The following STAC variants were observed in gnomAD, a reference collection of about 807,000 sequenced individuals.
STAC encodes SH3 and cysteine rich domain.
In STAC, 43 loss-of-function variants were observed where a neutral mutation model predicts 48.8. The observed-to-expected ratio is 0.88, with a 90% CI of 0.69 to 1.14. The LOEUF (loss-of-function observed/expected upper bound fraction) is 1.14. Ranked by LOEUF, STAC falls within the 50% of genes most tolerant of loss-of-function variation. The pLI is 0.00. For synonymous variants in STAC, 193 were observed against 179.5 expected (o/e 1.07, Z -0.60); for missense variants, 497 against 504.0 (o/e 0.99, Z 0.13).
intron 10 of STAC, 143 bp from the exon 11 acceptor site, chr3:36,546,048 G>A: frequency 6.3e-6 from 4 of 635,988 alleles, no homozygotes; most frequent in Admixed American, 2.8e-5. Flanking sequence ...TTCTCACTGT[G>A]CTGGTTTCCC....
intron 2 of STAC, among the ~76,000 whole-genome samples, chr3:36,477,164 T>C (rs1393092872): frequency 6.6e-6 from 1 of 152,188 alleles, no homozygotes; most frequent in Non-Finnish European, 1.5e-5. Context: ...ATCAAATAAA[T>C]TATAGGACTA....
chr3:36,481,996 C>T (rs1410016270), intron 2 of STAC, among the ~76,000 whole-genome samples: 1 of 152,192 alleles, frequency 6.6e-6, no homozygotes. Context: ...CAAAGAAATA[C>T]TCTCTCCACT....
intron 6 of STAC, among the ~76,000 whole-genome samples, chr3:36,496,028 T>C (rs1698145545): frequency 6.6e-6 from 1 of 152,192 alleles, no homozygotes; most frequent in African/African-American, 2.4e-5. Context: ...ATCCCCCGTA[T>C]AGATAAGGAA....
At chr3:36,505,514 CAA>C (rs1337250108) in intron 7 of STAC, among the ~76,000 whole-genome samples, 2 of 152,030 alleles carry the variant, frequency 1.3e-5, no homozygotes, top group African/African-American at 4.8e-5. Flanking sequence ...ATATTTCTGA[CAA>C]AGAGTTCCAA....
intron 1 of STAC, among the ~76,000 whole-genome samples, chr3:36,383,840 A>C (rs1417685874): frequency 1.3e-5 from 2 of 152,184 alleles, no homozygotes; most frequent in Non-Finnish European, 2.9e-5. Flanking sequence ...ATTGAGGCCC[A>C]AAAAGGGGCA....
intron 1 of STAC, among the ~76,000 whole-genome samples, chr3:36,385,439 T>C (rs1426046436): frequency 1.3e-5 from 2 of 152,128 alleles, no homozygotes; most frequent in African/African-American, 4.8e-5. Context: ...ACTTCTAAGG[T>C]ATTTTATTCT....
chr3:36,506,830 A>G (rs1195113546), intron 8 of STAC, among the ~76,000 whole-genome samples: 1 of 152,200 alleles, frequency 6.6e-6, no homozygotes, highest in African/African-American at 2.4e-5. Context: ...TTGGGCTAAG[A>G]TGATGGGGTT....
rs1699000359 is a variant in STAC, at chr3:36,528,873, T to C, written c.998T>C (p.Phe333Ser). ...GGGAAAATTCAAGACAGAATTGGCT[T>C]CTTTCCAGCCAACTTTGTTCAGAGA... ...WKGKIQDRIG[F>S]FPANFVQRLQ... Residue 333 changes from phenylalanine to serine, a missense_variant, in exon 10 of 11, where the codon TTC (phenylalanine) becomes TCC (serine). Phe to Ser is a radical substitution (Grantham distance 155). Coordinates refer to ENST00000273183, the MANE Select transcript of STAC (RefSeq NM_003149.3). 15 of 1,613,664 alleles carry C rather than the reference T, an allele frequency of 9.3e-6. No homozygotes were observed. Among genetic ancestry groups the C allele is most frequent in the Non-Finnish European group, 1.3e-5 (15 of 1,179,770 alleles).
At chr3:36,522,387 C>G (rs182666568) in intron 8 of STAC, among the ~76,000 whole-genome samples, 251 of 152,246 alleles carry the variant, frequency 1.6e-3, no homozygotes, top group African/African-American at 5.7e-3. Context: ...ATCTAATGGG[C>G]GCTTATCTAA....
At chr3:36,545,345 T>C (rs1374855618) in intron 10 of STAC, among the ~76,000 whole-genome samples, 6 of 152,186 alleles carry the variant, frequency 3.9e-5, no homozygotes, top group Admixed American at 3.9e-4. Flanking sequence ...AAACCTCTCA[T>C]TGCTGGGCTC....
intron 8 of STAC, among the ~76,000 whole-genome samples, chr3:36,511,591 A>G (rs774275755): frequency 6.6e-6 from 1 of 152,238 alleles, no homozygotes; most frequent in Non-Finnish European, 1.5e-5. Context: ...AAAACTATTT[A>G]ATTGCCAGAG....
intron 2 of STAC, among the ~76,000 whole-genome samples, chr3:36,452,838 G>A (rs1000892430): frequency 1.3e-5 from 2 of 152,198 alleles, no homozygotes; most frequent in African/African-American, 4.8e-5. Flanking sequence ...CAGAAAGGAG[G>A]AGCCCCTGCC....
rs144762529 is a variant in STAC at position 36,417,338 on chromosome 3, CCTT to C, written c.112-26021_112-26019del. The stretch of plus-strand genomic sequence containing the variant: ...TTTCCTGTGTCCTTGGAGCCTTCAA[CCTT>C]CTTCCTGTCTATGTAGCACATCCAG... On this transcript the variant is annotated intron_variant, in intron 1 of 10. Coordinates refer to ENST00000273183, the MANE Select transcript of STAC (RefSeq NM_003149.3). 9.6e-4 allele frequency among the ~76,000 whole-genome samples: 146 copies of C among 152,274 alleles called. 3 individuals carry two copies. In the East Asian group the frequency reaches 0.027, roughly 28 times the overall value.
rs866550732 is a variant in STAC at position 36,395,034 on chromosome 3, T to G, written c.111+14280T>G. Among the ~76,000 whole-genome samples the G allele has an allele frequency of 2.8e-4, 42 of 151,596 alleles. 1 individual carries two copies. In the South Asian group the frequency reaches 4.6e-3, roughly 16 times the overall value. On this transcript the variant is annotated intron_variant, in intron 1 of 10. Coordinates refer to ENST00000273183, the MANE Select transcript of STAC (RefSeq NM_003149.3). ...GAATCAAAAGATATATAGATATATA[T>G]ATATATATATCAAAATATTTTATGA...
At chr3:36,530,618 G>A (rs540743191) in intron 10 of STAC, among the ~76,000 whole-genome samples, 8 of 125,518 alleles carry the variant, frequency 6.4e-5, no homozygotes, top group African/African-American at 1.8e-4. Context: ...TTTTTGAGAC[G>A]GAGTTTCACT....
At chr3:36,481,687 C>A (rs112592766) in intron 2 of STAC, among the ~76,000 whole-genome samples, 103 of 152,324 alleles carry the variant, frequency 6.8e-4, no homozygotes, top group Admixed American at 2.2e-3. Context: ...CCATGAGAAT[C>A]ACATACTTGT....
At chr3:36,398,361 A>AAGAAAGAAAGAAAGAAAGAAAGAG (rs1559477011) in intron 1 of STAC, among the ~76,000 whole-genome samples, 1 of 136,952 alleles carries the variant, frequency 7.3e-6, no homozygotes, top group Non-Finnish European at 1.6e-5. Flanking sequence ...GAAAGAAAGA[A>AAGAAAGAAAGAAAGAAAGAAAGAG]AGAAAGAAAA....
intron 2 of STAC, among the ~76,000 whole-genome samples, chr3:36,456,536 G>GT (rs1426216371): frequency 6.6e-6 from 1 of 152,102 alleles, no homozygotes; most frequent in African/African-American, 2.4e-5. Flanking sequence ...GCTGTATAGG[G>GT]ACCATGCGAA....
At chr3:36,396,271 T>C (rs1366073338) in intron 1 of STAC, among the ~76,000 whole-genome samples, 1 of 152,200 alleles carries the variant, frequency 6.6e-6, no homozygotes. Flanking sequence ...ATTGGATCTC[T>C]GTTTATTGAA....
Sources: allele counts gnomAD v4.1 joint callset (sites outside exome capture counted in the v4.1 genomes callset), GRCh38; gene constraint gnomAD v4.1.1; transcripts MANE v1.5; gene names NCBI Gene and HGNC (gene_info 2026-07-23, HGNC 2026-07-21).